NFKB2: variants seen among roughly 807,000 people sequenced by gnomAD.
NFKB2 encodes the protein nuclear factor kappa B subunit 2.
In NFKB2, 21 loss-of-function variants were observed where a neutral mutation model predicts 109.3. The ratio of observed to expected loss-of-function variants is 0.19; its 90% confidence interval spans 0.14 to 0.28. NFKB2 has a LOEUF of 0.28. Among genes scored for constraint, NFKB2 ranks in the 10% least tolerant of loss-of-function variants. The pLI, the probability that NFKB2 is intolerant of heterozygous loss-of-function variation, is 1.00. For synonymous variants in NFKB2, 478 were observed against 489.9 expected (o/e 0.98, Z 0.32); for missense variants, 806 against 1,185.3 (o/e 0.68, Z 4.70).
rs1449870945 is a variant in NFKB2, at chr10:102,395,936, C to G, written c.-24C>G. The G allele has an allele frequency of 6.2e-7, 1 of 1,611,780 alleles. No homozygotes were observed. Among genetic ancestry groups the G allele is most frequent in the Non-Finnish European group, 8.5e-7 (1 of 1,179,726 alleles). On this transcript the variant is annotated 5_prime_UTR_variant, in exon 2 of 23. Coordinates refer to ENST00000661543, the MANE Select transcript of NFKB2 (RefSeq NM_001322934.2). ...GCAGAACCTGGCCGGAGCCACTAGA[C>G]AGAGCCGGGCCTAGCCCAGAGACAT...
chr10:102,398,030 A>G lies in NFKB2; in HGVS notation c.711A>G (p.Ala237=), dbSNP rs746629842. ...NLKISRMDKT[A]GSVRGGDEVY... ...AGATTTCTCGAATGGACAAGACAGC[A>G]GGCTCTGTGCGGGGTGGAGATGAAG... The change falls in exon 9 of 23, where the codon GCA becomes GCG. Residue 237 remains alanine, a synonymous_variant. Coordinates refer to ENST00000661543, the MANE Select transcript of NFKB2 (RefSeq NM_001322934.2). This position sits in a 1 kb window ranked among gnomAD's most constrained non-coding sequence, Gnocchi z 6.6. 6.2e-7 allele frequency: 1 copy of G among 1,614,166 alleles called. No individual in the cohort carries two copies. Among genetic ancestry groups the G allele is most frequent in the Non-Finnish European group, 8.5e-7 (1 of 1,180,008 alleles).
chr10:102,395,868 G>A lies in NFKB2; in HGVS notation c.-72-20G>A. On this transcript the variant is annotated intron_variant, in intron 1 of 22. Transcript: ENST00000661543. Reference sequence around the variant, plus strand: ...ATTTAGATCTGACCCCCTCCCCCACGCCACTCCTCCCAACTTTAGGCGGGC... The same window carrying A: ...ATTTAGATCTGACCCCCTCCCCCACACCACTCCTCCCAACTTTAGGCGGGC... 2 of 317,170 alleles carry A rather than the reference G, an allele frequency of 6.3e-6. No individual in the cohort carries two copies. The highest frequency in any genetic ancestry group is 4.7e-6 in the Non-Finnish European group (1 of 212,202). 19.6% of individuals were successfully genotyped at this position (317,170 alleles called of 1,614,324 possible). A position where few individuals can be genotyped will look rare whatever the true frequency, so the allele number is the denominator to read the frequency against.
chr10:102,396,842 G>A lies in NFKB2; in HGVS notation c.243+19G>A. ...TGTCAAGGTGAGCCAGGATGGTGCT[G>A]GAGGGTGGGCTAAGTGGACAGCATG... On this transcript the variant is annotated intron_variant, in intron 5 of 22. Coordinates refer to ENST00000661543, the MANE Select transcript of NFKB2 (RefSeq NM_001322934.2). The surrounding 1 kb of genome is among the most constrained non-coding windows in gnomAD (Gnocchi z 5.9). The A allele has an allele frequency of 6.2e-7, 1 of 1,606,276 alleles. No individual in the cohort carries two copies. The highest frequency in any genetic ancestry group is 2.2e-5 in the East Asian group (1 of 44,598).
At chr10:102,399,755 TG>T in intron 14 of NFKB2, 37 bp downstream of exon 14, 1 of 1,436,836 alleles carries the variant, frequency 7.0e-7, no homozygotes. Context: ...AGGCGCGGGG[TG>T]GGGGCAGGAA....
chr10:102,395,289 G>A (rs894412684), upstream of NFKB2, among the ~76,000 whole-genome samples: 1 of 152,188 alleles, frequency 6.6e-6, no homozygotes, highest in Admixed American at 6.5e-5. Flanking sequence ...CCTCCCACAG[G>A]AAAGAGCCCC....
chr10:102,398,910 T>G lies in NFKB2; in HGVS notation c.1117+46T>G. ...GGAGGGGTAAAGGTAAGAGAAGCTG[T>G]GGAGGAAAAAAATCTGGGGGAGGCC... On this transcript the variant is annotated intron_variant, in intron 12 of 22. Coordinates refer to ENST00000661543, the MANE Select transcript of NFKB2 (RefSeq NM_001322934.2). This position sits in a 1 kb window ranked among gnomAD's most constrained non-coding sequence, Gnocchi z 6.6. The G allele has an allele frequency of 6.4e-7, 1 of 1,569,926 alleles. No individual in the cohort carries two copies. The highest frequency in any genetic ancestry group is 1.2e-5 in the South Asian group (1 of 82,856).
In NFKB2 at chr10:102,399,732, G is replaced by A. The variant is rs2061192448; in HGVS notation, c.1469+14G>A. ...GAACGGAGACACGTAGGCAACAGAGGGCCTGGCGGACGAGGCGCGGGGTGG... is the reference window on the plus strand; with the variant it reads ...GAACGGAGACACGTAGGCAACAGAGAGCCTGGCGGACGAGGCGCGGGGTGG... On this transcript the variant is annotated intron_variant, in intron 14 of 22. Coordinates refer to ENST00000661543, the MANE Select transcript of NFKB2 (RefSeq NM_001322934.2). The A allele has an allele frequency of 1.4e-6, 2 of 1,453,436 alleles. No homozygotes were observed. The highest frequency in any genetic ancestry group is 2.7e-5 in the Admixed American group (1 of 37,690). The allele number at this position is 1,453,436 out of a possible 1,614,324, so 90.0% of individuals were successfully genotyped here. A position where few individuals can be genotyped will look rare whatever the true frequency, so the allele number is the denominator to read the frequency against.
In NFKB2 at chr10:102,401,322, C is replaced by T; in HGVS notation, c.2214C>T (p.Cys738=). The T allele has an allele frequency of 1.2e-6, 2 of 1,606,090 alleles. No individual in the cohort carries two copies. Among genetic ancestry groups the T allele is most frequent in the Non-Finnish European group, 1.7e-6 (2 of 1,175,382 alleles). Residue 738 remains cysteine (C), a synonymous_variant, in exon 19 of 23, where the codon TGC becomes TGT. Transcript: ENST00000661543. This position sits in a 1 kb window ranked among gnomAD's most constrained non-coding sequence, Gnocchi z 4.2. ...GCCACACGCCTCTTGACCTCACTTG[C>T]AGCACCAAGGTGAGGCCAGCCCGGG... ...FRGHTPLDLT[C]STKVKTLLLN...
rs1384243168 is a variant in NFKB2, at chr10:102,400,371, G to A, written c.1678G>A (p.Gly560Arg). 3 of 1,613,616 alleles carry A rather than the reference G, an allele frequency of 1.9e-6. No individual in the cohort carries two copies. The highest frequency in any genetic ancestry group is 2.5e-6 in the Non-Finnish European group (3 of 1,180,010). ...AGACCCAGCTCTGCTGGATCGGCAT[G>A]GAGACTCAGCCATGCATCTGGCGCT... The part of the protein sequence containing the change: ...GADPALLDRH[G>R]DSAMHLALRA... The change falls in exon 16 of 23, where the codon GGA becomes AGA. Residue 560 changes from glycine to arginine, a missense_variant. Transcript: ENST00000661543. This position sits in a 1 kb window ranked among gnomAD's most constrained non-coding sequence, Gnocchi z 6.3.
chr10:102,400,576 G>A lies in NFKB2; in HGVS notation c.1799-79G>A. On this transcript the variant is annotated intron_variant, in intron 16 of 22. Transcript: ENST00000661543. This position sits in a 1 kb window ranked among gnomAD's most constrained non-coding sequence, Gnocchi z 6.3. ...CAGTGCCCAGAATGGACTATGAGGTGTCGAGATTGAATGGTCAGGGCTGGT... is the reference window on the plus strand; with the variant it reads ...CAGTGCCCAGAATGGACTATGAGGTATCGAGATTGAATGGTCAGGGCTGGT... 1 of 1,598,122 alleles carries A rather than the reference G, an allele frequency of 6.3e-7. No homozygotes were observed. Among genetic ancestry groups the A allele is most frequent in the Admixed American group, 1.7e-5 (1 of 58,310 alleles).
rs763575905 is a variant in NFKB2, at chr10:102,397,957, A to G, written c.662-24A>G. 1.5e-5 allele frequency: 24 copies of G among 1,611,476 alleles called. No homozygotes were observed. Among genetic ancestry groups the G allele is most frequent in the Admixed American group, 1.3e-4 (8 of 59,994 alleles). ...TGGCCTTGGCTATTGCATCATCTCA[A>G]CTAATCCATATCCCACTCCATAGAA... is the stretch of plus-strand genomic sequence containing the variant. On this transcript the variant is annotated intron_variant, in intron 8 of 22. Coordinates refer to ENST00000661543, the MANE Select transcript of NFKB2 (RefSeq NM_001322934.2). This position sits in a 1 kb window ranked among gnomAD's most constrained non-coding sequence, Gnocchi z 4.7.
Position 102,397,423 on chromosome 10 carries a change from G to T in NFKB2, c.502+15G>T. 1 of 1,606,804 alleles carries T rather than the reference G, an allele frequency of 6.2e-7. No individual in the cohort carries two copies. The highest frequency in any genetic ancestry group is 2.2e-5 in the East Asian group (1 of 44,822). On this transcript the variant is annotated intron_variant, in intron 7 of 22. Coordinates refer to ENST00000661543, the MANE Select transcript of NFKB2 (RefSeq NM_001322934.2). The surrounding 1 kb of genome is among the most constrained non-coding windows in gnomAD (Gnocchi z 4.7). ...GGGCCTTACGGGTATGGGTGCAGGG[G>T]GTGGGTCGGGTATGGGTGCAGGGGG...
upstream of NFKB2, chr10:102,394,483 CTCCGGGG>C (rs2061063449): frequency 6.6e-6 from 1 of 152,632 alleles, no homozygotes; most frequent in South Asian, 2.1e-4. Context: ...GAATTCCCCC[CTCCGGGG>C]GGCCGAGAAG....
intron 12 of NFKB2, 133 bp from the exon 13 acceptor site, chr10:102,399,155 C>A: frequency 1.1e-6 from 1 of 910,160 alleles, no homozygotes; most frequent in Non-Finnish European, 1.6e-6. Flanking sequence ...CAAGAGGTTG[C>A]AGTAAGCTGA....
At position 102,398,360 on chromosome 10, in the gene NFKB2, C is replaced by G. The variant is rs1464843172; in HGVS notation, c.853-25C>G. On this transcript the variant is annotated intron_variant, in intron 10 of 22. Coordinates refer to ENST00000661543, the MANE Select transcript of NFKB2 (RefSeq NM_001322934.2). The surrounding 1 kb of genome is among the most constrained non-coding windows in gnomAD (Gnocchi z 6.6). ...AAATTAGGCTAAGGACTCACTGACA[C>G]CCTGTGTCTCCCTGCACCCCCCAGT... is the stretch of plus-strand genomic sequence containing the variant. The G allele has an allele frequency of 5.6e-6, 9 of 1,613,996 alleles. No individual in the cohort carries two copies. In the South Asian group the frequency reaches 9.9e-5, roughly 18 times the overall value.
Position 102,396,234 on chromosome 10 carries a change from C to T in NFKB2, c.22-19C>T, listed in dbSNP as rs2061109464. On this transcript the variant is annotated intron_variant, in intron 2 of 22. Coordinates refer to ENST00000661543, the MANE Select transcript of NFKB2 (RefSeq NM_001322934.2). The surrounding 1 kb of genome is among the most constrained non-coding windows in gnomAD (Gnocchi z 5.9). Reference sequence around the variant, plus strand: ...GGTGCTGAGAGTCGGATGCCACCCCCAGTCTGTCTCCAAACCAGGGTCTGG... The same window carrying T: ...GGTGCTGAGAGTCGGATGCCACCCCTAGTCTGTCTCCAAACCAGGGTCTGG... 6.3e-7 allele frequency: 1 copy of T among 1,597,592 alleles called. No individual in the cohort carries two copies. Among genetic ancestry groups the T allele is most frequent in the South Asian group, 1.1e-5 (1 of 90,414 alleles).
chr10:102,399,873 C>A (rs764108583), intron 14 of NFKB2, 155 bp downstream of exon 14: 2 of 1,242,976 alleles, frequency 1.6e-6, no homozygotes, highest in Non-Finnish European at 2.2e-6. Context: ...CTCCAAACTT[C>A]AGTTTGGTCG....
chr10:102,401,113 C>T lies in NFKB2; in HGVS notation c.2071+64C>T. On this transcript the variant is annotated intron_variant, in intron 18 of 22. Coordinates refer to ENST00000661543, the MANE Select transcript of NFKB2 (RefSeq NM_001322934.2). The surrounding 1 kb of genome is among the most constrained non-coding windows in gnomAD (Gnocchi z 4.2). The stretch of plus-strand genomic sequence containing the variant: ...GGAAGGGAGAGAGGTGCCTCCCAGT[C>T]CCCCGACTTTGCAGTCCTTAATGTA... 1.2e-6 allele frequency: 2 copies of T among 1,610,676 alleles called. No homozygotes were observed. Among genetic ancestry groups the T allele is most frequent in the Admixed American group, 1.7e-5 (1 of 59,892 alleles).
Position 102,397,604 on chromosome 10 carries a change from T to C in NFKB2, c.580T>C (p.Phe194Leu), listed in dbSNP as rs1192238490. Residue 194 changes from phenylalanine to leucine, a missense_variant, in exon 8 of 23, where the codon TTC becomes CTC. By Grantham distance (22) the Phe-to-Leu change is conservative (BLOSUM62 0). This residue lies in a region of NFKB2 where 64 missense variants were observed against 177.4 expected (regional missense o/e 0.36). Transcript: ENST00000661543. This position sits in a 1 kb window ranked among gnomAD's most constrained non-coding sequence, Gnocchi z 4.7. ...VMDLSIVRLR[F>L]SAFLRASDGS... ...GGATCTGAGTATAGTGCGGCTGCGC[T>C]TCTCTGCCTTCCTTAGAGCCAGTGA... is the stretch of plus-strand genomic sequence containing the variant. 1 of 1,613,982 alleles carries C rather than the reference T, an allele frequency of 6.2e-7. No homozygotes were observed. Among genetic ancestry groups the C allele is most frequent in the Non-Finnish European group, 8.5e-7 (1 of 1,179,962 alleles).
Sources: gnomAD v4.1 joint callset for allele counts (sites outside exome capture counted in the v4.1 genomes callset) on GRCh38, gnomAD v4.1.1 for gene constraint, gnomAD v4.1.1 regional missense constraint, Gnocchi (gnomAD v3.1) non-coding constraint, MANE v1.5 for transcripts, NCBI Gene and HGNC (gene_info 2026-07-23, HGNC 2026-07-21) for gene names.